The following ARHGAP19 variants were observed in gnomAD, a reference collection of about 807,000 sequenced individuals.
ARHGAP19 encodes the protein Rho GTPase activating protein 19.
In ARHGAP19, 48 loss-of-function variants were observed where a neutral mutation model predicts 60.9. That is an observed-to-expected ratio of 0.79 (90% confidence interval 0.62 to 1.00). The LOEUF (loss-of-function observed/expected upper bound fraction) is 1.00, where lower values mean the gene tolerates loss of function less well. Ranked by LOEUF, ARHGAP19 falls within the 50% of genes least tolerant of loss-of-function variation. The probability of loss-of-function intolerance (pLI) is 0.00; values close to 1 mark genes in which losing one functional copy is unlikely to be tolerated. For missense variants in ARHGAP19, 562 were observed against 597.2 expected (o/e 0.94, Z 0.61); for synonymous variants, 209 against 215.5 (o/e 0.97, Z 0.27).
intron 6 of ARHGAP19, among the ~76,000 whole-genome samples, chr10:97,252,278 GATC>G (rs912523484): frequency 3.1e-4 from 47 of 151,186 alleles, no homozygotes; most frequent in African/African-American, 1.1e-3. Flanking sequence ...AGTGAGCTGT[GATC>G]ATGCCACCAC....
At chr10:97,257,149 AAC>A (rs1842766292) in intron 5 of ARHGAP19, among the ~76,000 whole-genome samples, 1 of 151,932 alleles carries the variant, frequency 6.6e-6, no homozygotes, top group African/African-American at 2.4e-5. Flanking sequence ...ACAAACAAAA[AAC>A]ACAGCAAAAT....
intron 1 of ARHGAP19, among the ~76,000 whole-genome samples, chr10:97,290,579 G>A (rs1338300110): frequency 1.3e-5 from 2 of 152,080 alleles, no homozygotes; most frequent in African/African-American, 4.8e-5. Flanking sequence ...GAAGCGGCCC[G>A]CCATCATCTT....
chr10:97,271,301 A>T (rs1357979481), intron 1 of ARHGAP19, among the ~76,000 whole-genome samples: 1 of 152,072 alleles, frequency 6.6e-6, no homozygotes, highest in African/African-American at 2.4e-5. Context: ...TTTTATATTC[A>T]TTTGAACGTA....
At chr10:97,283,472 T>C (rs1204964127) in intron 1 of ARHGAP19, among the ~76,000 whole-genome samples, 2 of 151,932 alleles carry the variant, frequency 1.3e-5, no homozygotes, top group East Asian at 2.0e-4. Context: ...GAGAACTGCT[T>C]GAACCCAGGA....
chr10:97,236,981 T>C (rs1033260622), intron 8 of ARHGAP19, among the ~76,000 whole-genome samples: 3 of 151,896 alleles, frequency 2.0e-5, no homozygotes, highest in Non-Finnish European at 4.4e-5. Context: ...ATCCAGAATA[T>C]AGGCCAAGCA....
chr10:97,224,604 T>G lies in ARHGAP19; in HGVS notation c.*1518A>C, dbSNP rs767765262. On this transcript the variant is annotated 3_prime_UTR_variant, in exon 12 of 12. Transcript: ENST00000358531. ...CAAGCTCTGCTCCCCCAGAGTCATCTTTCATTTCAGCAATGGTGCAGCATA... is the reference window on the plus strand; with the variant it reads ...CAAGCTCTGCTCCCCCAGAGTCATCGTTCATTTCAGCAATGGTGCAGCATA... 3.9e-5 allele frequency: 6 copies of G among 152,270 alleles called. No individual in the cohort carries two copies. The highest frequency in any genetic ancestry group is 8.8e-5 in the Non-Finnish European group (6 of 68,048). 9.4% of individuals were successfully genotyped at this position (152,270 alleles called of 1,614,324 possible).
intron 1 of ARHGAP19, among the ~76,000 whole-genome samples, chr10:97,282,620 A>G (rs1044634577): frequency 7.9e-5 from 12 of 152,130 alleles, no homozygotes; most frequent in Non-Finnish European, 1.5e-4. Context: ...GCTGCCAATC[A>G]GTCAGCCATG....
chr10:97,235,140 C>T, intron 9 of ARHGAP19, 77 bp downstream of exon 9: 1 of 1,411,260 alleles, frequency 7.1e-7, no homozygotes. Flanking sequence ...CAGAAGAAAA[C>T]TTTTTATGCA....
intron 1 of ARHGAP19, 65 bp from the exon 2 acceptor site, chr10:97,266,190 T>G (rs1254105295): frequency 2.5e-6 from 4 of 1,574,880 alleles, no homozygotes; most frequent in Admixed American, 3.4e-5. Context: ...CACTACTCAT[T>G]GGGTTATTTG....
chr10:97,282,239 T>C (rs117899894), intron 1 of ARHGAP19, among the ~76,000 whole-genome samples: 11 of 152,308 alleles, frequency 7.2e-5, no homozygotes, highest in Non-Finnish European at 1.3e-4. Context: ...TCCAAGACTC[T>C]TGTGAATCCT....
rs1318669835 is a variant in ARHGAP19 at position 97,234,609 on chromosome 10, C to T, written c.1284+608G>A. ...TCTACTGCCACCTGATGGCAATATT[C>T]CTTCACTACATGTTCCGATAGTTTG... On this transcript the variant is annotated intron_variant, in intron 9 of 11. Coordinates refer to ENST00000358531, the MANE Select transcript of ARHGAP19 (RefSeq NM_032900.6). 2.0e-5 allele frequency among the ~76,000 whole-genome samples: 3 copies of T among 152,132 alleles called. No individual in the cohort carries two copies. In the East Asian group the frequency reaches 5.8e-4, roughly 29 times the overall value.
chr10:97,229,045 C>T (rs1177098407), intron 11 of ARHGAP19, 102 bp downstream of exon 11: 16 of 1,176,838 alleles, frequency 1.4e-5, no homozygotes, highest in Non-Finnish European at 1.9e-5. Context: ...TATGTCACTT[C>T]TGACTACAAA....
chr10:97,259,687 G>T, intron 4 of ARHGAP19, 59 bp from the exon 5 acceptor site: 1 of 1,262,526 alleles, frequency 7.9e-7, no homozygotes. Context: ...AAAAATCAGT[G>T]CTATCACCAT....
chr10:97,292,350 G>A (rs1356878273), intron 1 of ARHGAP19, among the ~76,000 whole-genome samples: 1 of 152,254 alleles, frequency 6.6e-6, no homozygotes, highest in Admixed American at 6.5e-5. Context: ...CGCAGCGGGA[G>A]GAGCCCCCTC....
chr10:97,270,463 T>A, intron 1 of ARHGAP19: 1 of 573,182 alleles, frequency 1.7e-6, no homozygotes. Flanking sequence ...GCTAAAAATA[T>A]CAAGAAACAT....
chr10:97,231,541 TCAGTG>T (rs1229216441), intron 9 of ARHGAP19, among the ~76,000 whole-genome samples: 2 of 152,216 alleles, frequency 1.3e-5, no homozygotes, highest in Non-Finnish European at 2.9e-5. Context: ...CACAGGTACC[TCAGTG>T]GAATCATACA....
rs766006395 is a variant in ARHGAP19 at position 97,235,239 on chromosome 10, C to T, written c.1262G>A (p.Arg421His). The change falls in exon 9 of 12, where the codon CGC becomes CAC. Residue 421 changes from arginine (R) to histidine (H), a missense_variant. Physicochemically the swap from Arg to His is conservative, Grantham distance 29. Coordinates refer to ENST00000358531, the MANE Select transcript of ARHGAP19 (RefSeq NM_032900.6). ...TSQVQKRARS[R>H]SFSGLIKRKV... The stretch of plus-strand genomic sequence containing the variant: ...TACCTTAATAAGCCCACTGAAGGAG[C>T]GCGAACGAGCCCTCTTTTGTACCTG... 33 of 1,613,208 alleles carry T rather than the reference C, an allele frequency of 2.0e-5. No individual in the cohort carries two copies. The highest frequency in any genetic ancestry group is 5.5e-5 in the South Asian group (5 of 91,050).
intron 9 of ARHGAP19, among the ~76,000 whole-genome samples, chr10:97,233,771 G>A (rs775819653): frequency 3.3e-5 from 5 of 152,060 alleles, no homozygotes; most frequent in Non-Finnish European, 5.9e-5. Flanking sequence ...GGGAGGCTGA[G>A]GCAGGAAAAT....
At chr10:97,263,071 C>T (rs113823018) in intron 4 of ARHGAP19, among the ~76,000 whole-genome samples, 133 of 152,292 alleles carry the variant, frequency 8.7e-4, no homozygotes, top group African/African-American at 3.1e-3. Context: ...CAAGGTTGCA[C>T]CACTGCACTC....
Sources: gnomAD v4.1 joint callset for allele counts (sites outside exome capture counted in the v4.1 genomes callset) on GRCh38, gnomAD v4.1.1 for gene constraint, MANE v1.5 for transcripts, NCBI Gene and HGNC (gene_info 2026-07-23, HGNC 2026-07-21) for gene names.